The following GALNT2 variants were observed in gnomAD, a reference collection of about 807,000 sequenced individuals.
GALNT2 encodes polypeptide N-acetylgalactosaminyltransferase 2.
Under a neutral mutation model 81.4 loss-of-function variants are expected in GALNT2, and 31 were observed. The ratio of observed to expected loss-of-function variants is 0.38; its 90% CI spans 0.29 to 0.51. The LOEUF is 0.51. Ranked by LOEUF, GALNT2 falls within the 20% of genes least tolerant of loss-of-function variation. The probability of loss-of-function intolerance (pLI) is 0.87; values close to 1 mark genes in which losing one functional copy is unlikely to be tolerated. For missense variants in GALNT2, 629 were observed against 765.7 expected (o/e 0.82, Z 2.11); for synonymous variants, 303 against 287.4 (o/e 1.05, Z -0.55).
chr1:230,175,981 AG>A (rs1376020832), intron 1 of GALNT2, among the ~76,000 whole-genome samples: 1 of 152,154 alleles, frequency 6.6e-6, no homozygotes, highest in Non-Finnish European at 1.5e-5. Flanking sequence ...ATTGTAAGAC[AG>A]GAATTATAAA....
chr1:230,134,137 T>C (rs1245391617), intron 1 of GALNT2, among the ~76,000 whole-genome samples: 1 of 145,266 alleles, frequency 6.9e-6, no homozygotes, highest in Non-Finnish European at 1.5e-5. Context: ...TTTGGCAGAG[T>C]CTCACTCTGT....
intron 8 of GALNT2, among the ~76,000 whole-genome samples, chr1:230,248,421 A>G (rs562484376): frequency 1.4e-4 from 21 of 152,284 alleles, no homozygotes; most frequent in East Asian, 7.7e-4. Flanking sequence ...ATGCACCAGG[A>G]CAGCTTCCGC....
intron 1 of GALNT2, among the ~76,000 whole-genome samples, chr1:230,101,903 C>A (rs891089787): frequency 6.6e-6 from 1 of 152,164 alleles, no homozygotes; most frequent in African/African-American, 2.4e-5. Context: ...GGGCAGTTTC[C>A]TTATCTTCTA....
intron 1 of GALNT2, among the ~76,000 whole-genome samples, chr1:230,092,605 A>C (rs552007074): frequency 1.3e-5 from 2 of 152,162 alleles, no homozygotes; most frequent in African/African-American, 4.8e-5. Context: ...CGGCCTCCCA[A>C]AGTGCTGGGA....
intron 1 of GALNT2, among the ~76,000 whole-genome samples, chr1:230,114,823 A>G (rs1660798676): frequency 6.6e-6 from 1 of 152,094 alleles, no homozygotes; most frequent in Non-Finnish European, 1.5e-5. Flanking sequence ...AATAGGCTTT[A>G]TTTTTTAGAG....
intron 1 of GALNT2, among the ~76,000 whole-genome samples, chr1:230,111,029 G>A (rs1035692305): frequency 3.3e-5 from 5 of 152,162 alleles, no homozygotes; most frequent in African/African-American, 7.2e-5. Flanking sequence ...GCGTGTGTAC[G>A]TATATATACT....
intron 3 of GALNT2, among the ~76,000 whole-genome samples, chr1:230,205,399 A>G (rs922122024): frequency 1.3e-5 from 2 of 152,124 alleles, no homozygotes; most frequent in African/African-American, 4.8e-5. Context: ...TCTGATACAT[A>G]TGAGTATATG....
intron 1 of GALNT2, among the ~76,000 whole-genome samples, chr1:230,171,369 T>G (rs1368380803): frequency 1.3e-5 from 2 of 152,272 alleles, no homozygotes; most frequent in African/African-American, 4.8e-5. Context: ...TTTAAAAATT[T>G]CTGGCAACCT....
chr1:230,243,467 TGGTTGGTAGAG>T lies in GALNT2; in HGVS notation c.729+43_729+53del, dbSNP rs768020566. ...GCTGGGAGGGGTGTCAGGTCGTGGG[TGGTTGGTAGAG>T]GGGACAGAAGGGAGCATGGTCCAGG... is the stretch of plus-strand genomic sequence containing the variant. On this transcript the variant is annotated intron_variant, in intron 7 of 15. Coordinates refer to ENST00000366672, the MANE Select transcript of GALNT2 (RefSeq NM_004481.5). This position sits in a 1 kb window ranked among gnomAD's most constrained non-coding sequence, Gnocchi z 4.2. The T allele has an allele frequency of 6.2e-7, 1 of 1,600,386 alleles. No homozygotes were observed. The highest frequency in any genetic ancestry group is 8.5e-7 in the Non-Finnish European group (1 of 1,177,654).
In GALNT2 at chr1:230,074,734, C is replaced by T. The variant is rs535227043; in HGVS notation, c.126+7328C>T. ...ATTTTCAAAATTTAATAAACACTTT[C>T]ATGGCACTCACTGTGCATAGAAATA... On this transcript the variant is annotated intron_variant, in intron 1 of 15. Transcript: ENST00000366672. 4.2e-3 allele frequency among the ~76,000 whole-genome samples: 645 copies of T among 152,342 alleles called. 6 individuals are homozygous for T. The highest frequency in any genetic ancestry group is 5.1e-3 in the Non-Finnish European group (347 of 68,022).
At chr1:230,198,488 G>A (rs1278869848) in intron 2 of GALNT2, among the ~76,000 whole-genome samples, 1 of 150,498 alleles carries the variant, frequency 6.6e-6, no homozygotes, top group Non-Finnish European at 1.5e-5. Context: ...AGCAGCCCAG[G>A]AGCGTACGAG....
intron 3 of GALNT2, among the ~76,000 whole-genome samples, chr1:230,232,881 T>G (rs1433291086): frequency 2.0e-5 from 3 of 152,170 alleles, no homozygotes; most frequent in Non-Finnish European, 4.4e-5. Context: ...CTGCCTGCTT[T>G]TTTCCCCCAG....
intron 3 of GALNT2, among the ~76,000 whole-genome samples, chr1:230,224,889 C>T (rs538886165): frequency 2.5e-4 from 38 of 152,232 alleles, no homozygotes; most frequent in African/African-American, 6.3e-4. Flanking sequence ...GACTCCTATA[C>T]GTTGCAGAAT....
intron 10 of GALNT2, among the ~76,000 whole-genome samples, chr1:230,254,047 C>T (rs1368520108): frequency 6.6e-6 from 1 of 152,130 alleles, no homozygotes; most frequent in East Asian, 1.9e-4. Flanking sequence ...TCTTAGGGAT[C>T]TTAGATAATA....
upstream of GALNT2, among the ~76,000 whole-genome samples, chr1:230,064,091 T>G (rs1659109560): frequency 6.6e-6 from 1 of 152,186 alleles, no homozygotes; most frequent in African/African-American, 2.4e-5. Flanking sequence ...TTGTAGTGAT[T>G]TTTATTTATA....
At position 230,095,989 on chromosome 1, in the gene GALNT2, C is replaced by T. The variant is rs113837722; in HGVS notation, c.126+28583C>T. 8.8e-3 allele frequency among the ~76,000 whole-genome samples: 1,341 copies of T among 152,322 alleles called. 19 individuals carry two copies. Among genetic ancestry groups the T allele is most frequent in the African/African-American group, 0.029 (1,193 of 41,578 alleles). On this transcript the variant is annotated intron_variant, in intron 1 of 15. Transcript: ENST00000366672. ...TTTAAGCCATGACGTTTTGGGAGGG[C>T]TTTTGTGCAGGAATGGCACCCGGAA... is the stretch of plus-strand genomic sequence containing the variant.
rs79145426 is a variant in GALNT2 at position 230,141,385 on chromosome 1, C to T, written c.127-36833C>T. Among the ~76,000 whole-genome samples the T allele has an allele frequency of 2.8e-3, 428 of 152,278 alleles. 3 individuals carry two copies. Among genetic ancestry groups the T allele is most frequent in the Non-Finnish European group, 5.1e-3 (344 of 68,026 alleles). ...TTAAATTTACAGCTCAGTATCCTCACGCATCCACAGAACTCTTTCATCTTG... is the reference window on the plus strand; with the variant it reads ...TTAAATTTACAGCTCAGTATCCTCATGCATCCACAGAACTCTTTCATCTTG... On this transcript the variant is annotated intron_variant, in intron 1 of 15. Coordinates refer to ENST00000366672, the MANE Select transcript of GALNT2 (RefSeq NM_004481.5).
intron 1 of GALNT2, among the ~76,000 whole-genome samples, chr1:230,175,601 G>C (rs74600170): frequency 6.7e-4 from 49 of 72,852 alleles, no homozygotes; most frequent in African/African-American, 1.1e-3. Flanking sequence ...TCCCCTCCTC[G>C]TCCTCCTCCT....
chr1:230,257,627 G>A lies in GALNT2; in HGVS notation c.1136+2283G>A, dbSNP rs1457031602. On this transcript the variant is annotated intron_variant, in intron 11 of 15. Transcript: ENST00000366672. This position sits in a 1 kb window ranked among gnomAD's most constrained non-coding sequence, Gnocchi z 4.6. Reference sequence around the variant, plus strand: ...ATATACTCTATGATGTTCACACAACGACAACATCGCCTAAGGATGCATTTT... The same window carrying A: ...ATATACTCTATGATGTTCACACAACAACAACATCGCCTAAGGATGCATTTT... Among the ~76,000 whole-genome samples the A allele has an allele frequency of 1.2e-4, 19 of 152,246 alleles. No individual in the cohort carries two copies. Among genetic ancestry groups the A allele is most frequent in the East Asian group, 1.2e-3 (6 of 5,178 alleles).
Sources: gnomAD v4.1 joint callset for allele counts (sites outside exome capture counted in the v4.1 genomes callset) on GRCh38, gnomAD v4.1.1 for gene constraint, Gnocchi (gnomAD v3.1) non-coding constraint, MANE v1.5 for transcripts, NCBI Gene and HGNC (gene_info 2026-07-23, HGNC 2026-07-21) for gene names.